The following GRAMD1B variants were observed in gnomAD, a reference collection of about 807,000 sequenced individuals.
GRAMD1B encodes the protein GRAM domain containing 1B.
A neutral mutation model predicts 99.7 loss-of-function variants in GRAMD1B; 37 were observed. The observed-to-expected ratio is 0.37, with a 90% CI of 0.29 to 0.49. The LOEUF (loss-of-function observed/expected upper bound fraction) is 0.49, where lower values mean the gene tolerates loss of function less well. Ranked by LOEUF, GRAMD1B falls within the 20% of genes least tolerant of loss-of-function variation. The probability of loss-of-function intolerance (pLI) is 0.98; values close to 1 mark genes in which losing one functional copy is unlikely to be tolerated. For synonymous variants in GRAMD1B, 427 were observed against 387.6 expected, an observed-to-expected ratio of 1.10 and a Z score of -1.19; for missense variants, 888 against 1,009.2, an observed-to-expected ratio of 0.88 and a Z score of 1.63.
intron 1 of GRAMD1B, among the ~76,000 whole-genome samples, chr11:123,391,967 G>A (rs1407696715): frequency 1.3e-5 from 2 of 152,216 alleles, no homozygotes; most frequent in Non-Finnish European, 2.9e-5. Flanking sequence ...TGAGGGCAGA[G>A]GGTAGAGAGG....
At chr11:123,585,033 T>C (rs1369698119) in intron 4 of GRAMD1B, among the ~76,000 whole-genome samples, 5 of 152,224 alleles carry the variant, frequency 3.3e-5, no homozygotes, top group Non-Finnish European at 7.3e-5. Flanking sequence ...GGCTCTCAGC[T>C]GGCCCCCGCC....
chr11:123,605,434 A>G lies in GRAMD1B; in HGVS notation c.1279A>G (p.Asn427Asp). The G allele has an allele frequency of 6.2e-7, 1 of 1,613,524 alleles. No individual in the cohort carries two copies. The change falls in exon 10 of 20, where the codon AAC becomes GAC. Residue 427 changes from asparagine (N) to aspartate (D), a missense_variant. Transcript: ENST00000635736. The part of the protein sequence containing the change: ...SPQLPKKSIT[N>D]STLTSTGSSE... Reference sequence around the variant, plus strand: ...ACAGCTGCCCAAGAAATCCATCACCAACAGCACACTAACATCCACAGGGAG... The same window carrying G: ...ACAGCTGCCCAAGAAATCCATCACCGACAGCACACTAACATCCACAGGGAG...
intron 1 of GRAMD1B, among the ~76,000 whole-genome samples, chr11:123,424,269 A>AAAAAAG (rs1948569060): frequency 6.6e-6 from 1 of 150,980 alleles, no homozygotes. Context: ...AAAAAAAAAA[A>AAAAAAG]AGAAAAAAGA....
At chr11:123,597,641 A>G (rs1951446809) in intron 7 of GRAMD1B, among the ~76,000 whole-genome samples, 1 of 152,144 alleles carries the variant, frequency 6.6e-6, no homozygotes, top group Admixed American at 6.6e-5. Context: ...AATCTCAGCT[A>G]CTTCTGAAGT....
At position 123,482,550 on chromosome 11, in the gene GRAMD1B, G is replaced by A. The variant is rs115117253; in HGVS notation, c.452+1657G>A. ...ATATTTTTATTTGCCAGCCAAATATGAAACAATAATATGACACAACTACCA... is the reference window on the plus strand; with the variant it reads ...ATATTTTTATTTGCCAGCCAAATATAAAACAATAATATGACACAACTACCA... On this transcript the variant is annotated intron_variant, in intron 2 of 19. Coordinates refer to ENST00000635736, the MANE Select transcript of GRAMD1B (RefSeq NM_001387025.1). 4.4e-4 allele frequency among the ~76,000 whole-genome samples: 67 copies of A among 152,304 alleles called. 2 individuals are homozygous for A. The South Asian group carries it at 0.013, about 31-fold the overall frequency.
chr11:123,582,128 G>A (rs917058130), intron 3 of GRAMD1B, among the ~76,000 whole-genome samples: 2 of 152,256 alleles, frequency 1.3e-5, no homozygotes, highest in African/African-American at 4.8e-5. Context: ...TGCTGGGGCC[G>A]GCAGCTCCCA....
At chr11:123,450,989 G>A (rs1949863081) in intron 1 of GRAMD1B, among the ~76,000 whole-genome samples, 1 of 152,128 alleles carries the variant, frequency 6.6e-6, no homozygotes, top group South Asian at 2.1e-4. Context: ...ACAGAGTGCG[G>A]TACCTTAAAC....
intron 1 of GRAMD1B, among the ~76,000 whole-genome samples, chr11:123,460,756 C>T (rs1030294336): frequency 6.6e-6 from 1 of 152,174 alleles, no homozygotes; most frequent in South Asian, 2.1e-4. Context: ...AGGATTCTTT[C>T]TGGAAAACAG....
chr11:123,576,929 A>C (rs552512917), intron 2 of GRAMD1B, among the ~76,000 whole-genome samples: 2 of 152,272 alleles, frequency 1.3e-5, no homozygotes, highest in Non-Finnish European at 1.5e-5. Flanking sequence ...TGTTATTTTC[A>C]TGAACAAAAA....
At chr11:123,521,360 G>A (rs117737778) in intron 2 of GRAMD1B, among the ~76,000 whole-genome samples, 84 of 152,074 alleles carry the variant, frequency 5.5e-4, no homozygotes, top group Non-Finnish European at 9.3e-4. Flanking sequence ...AACTTAAATC[G>A]TTTGTCTATT....
At chr11:123,375,248 A>G (rs1026127763) in intron 1 of GRAMD1B, among the ~76,000 whole-genome samples, 1 of 152,214 alleles carries the variant, frequency 6.6e-6, no homozygotes, top group Non-Finnish European at 1.5e-5. Context: ...AGCTTTTAAC[A>G]CAACTATGTC....
rs536067158 is a variant in GRAMD1B at position 123,563,634 on chromosome 11, C to G, written c.453-13733C>G. Among the ~76,000 whole-genome samples, 12 of 152,108 alleles carry G rather than the reference C, an allele frequency of 7.9e-5. No individual in the cohort carries two copies. The South Asian group carries it at 2.3e-3, about 29-fold the overall frequency. On this transcript the variant is annotated intron_variant, in intron 2 of 19. Coordinates refer to ENST00000635736, the MANE Select transcript of GRAMD1B (RefSeq NM_001387025.1). Reference sequence around the variant, plus strand: ...TCAAGCAATCCTCCCACCTCAGCCTCCCAAGTAGCTGGGATTACACAGTGT... The same window carrying G: ...TCAAGCAATCCTCCCACCTCAGCCTGCCAAGTAGCTGGGATTACACAGTGT...
chr11:123,398,030 A>T (rs1947529073), intron 1 of GRAMD1B, among the ~76,000 whole-genome samples: 1 of 152,232 alleles, frequency 6.6e-6, no homozygotes, highest in Admixed American at 6.5e-5. Context: ...ATTAAAAATT[A>T]AACTGCTAAG....
intron 1 of GRAMD1B, among the ~76,000 whole-genome samples, chr11:123,363,661 G>A (rs930062248): frequency 3.9e-5 from 6 of 151,946 alleles, no homozygotes; most frequent in African/African-American, 7.3e-5. Context: ...TCTCATTGGC[G>A]GCTAAAAATG....
At chr11:123,378,933 T>C (rs968848898) in intron 1 of GRAMD1B, among the ~76,000 whole-genome samples, 13 of 152,212 alleles carry the variant, frequency 8.5e-5, no homozygotes, top group African/African-American at 3.1e-4. Context: ...TGTTCAGTCT[T>C]CTCTTGTTAT....
chr11:123,415,037 G>GC (rs1948179614), intron 1 of GRAMD1B, among the ~76,000 whole-genome samples: 1 of 151,372 alleles, frequency 6.6e-6, no homozygotes, highest in Admixed American at 6.6e-5. Context: ...TGTATGAAAG[G>GC]CCCCTAAGGC....
At chr11:123,442,547 A>AGT (rs1949456685) in intron 1 of GRAMD1B, among the ~76,000 whole-genome samples, 1 of 152,200 alleles carries the variant, frequency 6.6e-6, no homozygotes, top group Non-Finnish European at 1.5e-5. Flanking sequence ...AGGTGGGAGG[A>AGT]TCACTTGAGG....
At position 123,430,904 on chromosome 11, in the gene GRAMD1B, C is replaced by A. The variant is rs1469189600; in HGVS notation, c.112C>A (p.Leu38Ile). The change falls in exon 1 of 20, where the codon CTT (leucine) becomes ATT (isoleucine). Residue 38 changes from leucine to isoleucine, a missense_variant. Transcript: ENST00000635736. ...CTGGTCCAGTTCGTCGACCCCCACG[C>A]TTCGCCGCCGGCGCTTCAAGATGCG... ...PVWSSSSTPT[L>I]RRRRFKMRRM... The A allele has an allele frequency of 1.4e-6, 1 of 702,678 alleles. No homozygotes were observed. Among genetic ancestry groups the A allele is most frequent in the East Asian group, 2.7e-5 (1 of 37,246 alleles). The allele number at this position is 702,678 out of a possible 1,614,324, so 43.5% of individuals were successfully genotyped here.
chr11:123,421,078 T>C (rs543784848), intron 1 of GRAMD1B, among the ~76,000 whole-genome samples: 1 of 152,338 alleles, frequency 6.6e-6, no homozygotes, highest in African/African-American at 2.4e-5. Context: ...GATATACTTT[T>C]AGTAAGTAGT....
Sources: allele counts gnomAD v4.1 joint callset (sites outside exome capture counted in the v4.1 genomes callset), GRCh38; gene constraint gnomAD v4.1.1; transcripts MANE v1.5; gene names NCBI Gene and HGNC (gene_info 2026-07-23, HGNC 2026-07-21).